MRPL39: variants seen among roughly 807,000 people sequenced by gnomAD.
MRPL39 encodes large ribosomal subunit protein mL39.
In MRPL39, 35 loss-of-function variants were observed where a neutral mutation model predicts 44.5. The ratio of observed to expected loss-of-function variants is 0.79; its 90% CI spans 0.60 to 1.04. The LOEUF (loss-of-function observed/expected upper bound fraction) is 1.04. MRPL39 is among the 50% of genes least tolerant of loss of function. MRPL39 has a pLI of 0.00. For synonymous variants in MRPL39, 139 were observed against 136.1 expected (o/e 1.02, Z -0.15); for missense variants, 433 against 413.5 (o/e 1.05, Z -0.41).
intron 6 of MRPL39, among the ~76,000 whole-genome samples, chr21:25,595,870 C>A (rs770407857): frequency 1.3e-5 from 2 of 151,996 alleles, no homozygotes; most frequent in Non-Finnish European, 2.9e-5. Flanking sequence ...AGTGACTTCA[C>A]GTGTTCAGAT....
At position 25,606,500 on chromosome 21, in the gene MRPL39, T is replaced by C. The variant is rs755157842; in HGVS notation, c.229A>G (p.Thr77Ala). The change falls in exon 2 of 10, where the codon ACT (threonine) becomes GCT (alanine). Residue 77 changes from threonine to alanine, a missense_variant. Coordinates refer to ENST00000352957, the MANE Select transcript of MRPL39 (RefSeq NM_017446.4). ...VKHVGKTDPG[T>A]VFVMNKNIST... Reference sequence around the variant, plus strand: ...ATGTTTTTATTCATCACGAAGACAGTACCGGGGTCAGTTTTCCCAACATGC... The same window carrying C: ...ATGTTTTTATTCATCACGAAGACAGCACCGGGGTCAGTTTTCCCAACATGC... The C allele has an allele frequency of 8.1e-6, 13 of 1,613,902 alleles. No individual in the cohort carries two copies. The highest frequency in any genetic ancestry group is 5.5e-5 in the South Asian group (5 of 91,034).
At chr21:25,597,959 G>A (rs942810111) in intron 5 of MRPL39, among the ~76,000 whole-genome samples, 8 of 152,050 alleles carry the variant, frequency 5.3e-5, no homozygotes, top group Non-Finnish European at 1.2e-4. Flanking sequence ...CAATTAAAAT[G>A]ATGAAGAATA....
rs772860682 is a variant in MRPL39, at chr21:25,585,669, A to T, written c.*38T>A. 1.1e-5 allele frequency: 12 copies of T among 1,121,952 alleles called. No individual in the cohort carries two copies. In the South Asian group the frequency reaches 1.9e-4, roughly 18 times the overall value. The allele number at this position is 1,121,952 out of a possible 1,614,324, so 69.5% of individuals were successfully genotyped here. On this transcript the variant is annotated 3_prime_UTR_variant, in exon 10 of 10. Transcript: ENST00000352957. ...CACACACAAACATTATATTTAAAAC[A>T]TTTATTTTATTATACATATTTAAAT...
At chr21:25,603,250 G>A (rs1033034867) in intron 3 of MRPL39, among the ~76,000 whole-genome samples, 1 of 152,154 alleles carries the variant, frequency 6.6e-6, no homozygotes, top group Admixed American at 6.5e-5. Flanking sequence ...AGAAGCAGGG[G>A]GGAGGCCAAG....
chr21:25,604,136 G>A (rs1044937577), intron 2 of MRPL39, among the ~76,000 whole-genome samples: 13 of 151,786 alleles, frequency 8.6e-5, no homozygotes, highest in African/African-American at 3.1e-4. Context: ...GCACGTGCCT[G>A]TAATCCCAGT....
At chr21:25,606,980 G>C (rs954424138) in intron 1 of MRPL39, among the ~76,000 whole-genome samples, 4 of 152,208 alleles carry the variant, frequency 2.6e-5, no homozygotes, top group Admixed American at 6.5e-5. Context: ...AGAAAAACAA[G>C]AAAATTTCAG....
Position 25,594,244 on chromosome 21 carries a change from TTGTTC to T in MRPL39, c.702-291_702-287del, listed in dbSNP as rs1231118922. 6.6e-3 allele frequency among the ~76,000 whole-genome samples: 286 copies of T among 43,378 alleles called. 31 individuals are homozygous for T. Among genetic ancestry groups the T allele is most frequent in the Middle Eastern group, 0.012 (1 of 84 alleles). 28.5% of individuals were successfully genotyped at this position (43,378 alleles called of 152,430 possible). On this transcript the variant is annotated intron_variant, in intron 6 of 9. Coordinates refer to ENST00000352957, the MANE Select transcript of MRPL39 (RefSeq NM_017446.4). ...GTTCTTTCTTTCCATTTTTATTTCTTTGTTCTTTTTTTTTTTTTTTTTTTTGAGGC... is the reference window on the plus strand; with the variant it reads ...GTTCTTTCTTTCCATTTTTATTTCTTTTTTTTTTTTTTTTTTTTTTGAGGC...
At chr21:25,600,611 T>C (rs1290918193) in intron 4 of MRPL39, among the ~76,000 whole-genome samples, 1 of 151,534 alleles carries the variant, frequency 6.6e-6, no homozygotes, top group African/African-American at 2.4e-5. Context: ...GATCCTACCA[T>C]ACTTACTATT....
chr21:25,588,107 C>T (rs1184451915), intron 9 of MRPL39, among the ~76,000 whole-genome samples: 1 of 152,014 alleles, frequency 6.6e-6, no homozygotes, highest in African/African-American at 2.4e-5. Flanking sequence ...GTCAGGAGAT[C>T]GAGACCATCC....
intron 6 of MRPL39, 63 bp downstream of exon 6, chr21:25,597,239 A>C: frequency 9.0e-7 from 1 of 1,107,448 alleles, no homozygotes. Context: ...TAAGACCTGA[A>C]TTTTCTTTAT....
chr21:25,585,739 T>A lies in MRPL39; in HGVS notation c.985A>T (p.Ser329Cys), dbSNP rs2030979189. The stretch of plus-strand genomic sequence containing the variant: ...GATGTACATTCCTCTGTTGCTTTAC[T>A]TTGATCTTCAGTTACCTGTAAAAAC... ...RSRKMVTEDQ[S>C]KATEECTST is the part of the protein sequence containing the mutation. The change falls in exon 10 of 10, where the codon AGT becomes TGT. Residue 329 changes from serine to cysteine, a missense_variant. Physicochemically the swap from Ser to Cys is moderately radical, Grantham distance 112. Transcript: ENST00000352957. 6.3e-7 allele frequency: 1 copy of A among 1,581,238 alleles called. No homozygotes were observed. The highest frequency in any genetic ancestry group is 8.6e-7 in the Non-Finnish European group (1 of 1,158,736).
chr21:25,597,429 T>A lies in MRPL39; in HGVS notation c.589-15A>T, dbSNP rs2031395171. ...CGTAAGTTCTCCTTAAAAATGAAAG[T>A]AATAACCTTTAGTAACAATTCACTG... On this transcript the variant is annotated splice_polypyrimidine_tract_variant and intron_variant, in intron 5 of 9. Transcript: ENST00000352957. 2.1e-6 allele frequency: 3 copies of A among 1,395,836 alleles called. No individual in the cohort carries two copies. Among genetic ancestry groups the A allele is most frequent in the Non-Finnish European group, 3.0e-6 (3 of 997,522 alleles). The allele number at this position is 1,395,836 out of a possible 1,614,324, so 86.5% of individuals were successfully genotyped here.
chr21:25,595,385 G>T (rs1027284221), intron 6 of MRPL39, among the ~76,000 whole-genome samples: 4 of 152,134 alleles, frequency 2.6e-5, no homozygotes, highest in African/African-American at 4.8e-5. Context: ...CTCAATCACT[G>T]ACCCACCTTC....
rs577223456 is a variant in MRPL39, at chr21:25,601,272, T to G, written c.520+96A>C. 1.1e-4 allele frequency: 66 copies of G among 613,214 alleles called. No individual in the cohort carries two copies. In the South Asian group the frequency reaches 1.9e-3, roughly 18 times the overall value. The allele number at this position is 613,214 out of a possible 1,614,324, so 38.0% of individuals were successfully genotyped here. ...ACCCATGATAAATGACACATATGTA[T>G]AATGGTAATTTATATTAGTACTAAA... is the stretch of plus-strand genomic sequence containing the variant. On this transcript the variant is annotated intron_variant, in intron 4 of 9. Coordinates refer to ENST00000352957, the MANE Select transcript of MRPL39 (RefSeq NM_017446.4).
At chr21:25,596,205 T>C (rs2031353958) in intron 6 of MRPL39, among the ~76,000 whole-genome samples, 1 of 152,130 alleles carries the variant, frequency 6.6e-6, no homozygotes, top group African/African-American at 2.4e-5. Flanking sequence ...TTCACGCCAT[T>C]CTCCTGCCTC....
intron 6 of MRPL39, among the ~76,000 whole-genome samples, chr21:25,595,478 G>C (rs1335735346): frequency 6.6e-6 from 1 of 152,140 alleles, no homozygotes; most frequent in African/African-American, 2.4e-5. Context: ...AGTTACAAAA[G>C]TCCCAGAAGC....
At chr21:25,589,061 CT>C (rs1318941982) in intron 8 of MRPL39, among the ~76,000 whole-genome samples, 179 bp from the exon 9 acceptor site, 3 of 152,254 alleles carry the variant, frequency 2.0e-5, no homozygotes, top group Admixed American at 6.5e-5. Flanking sequence ...GGGATAGCTG[CT>C]TTTTTGCTTT....
chr21:25,587,549 T>C, intron 9 of MRPL39: 1 of 629,858 alleles, frequency 1.6e-6, no homozygotes, highest in Non-Finnish European at 2.8e-6. Flanking sequence ...TAATGTTGTG[T>C]TCAAAATTTG....
intron 7 of MRPL39, 43 bp from the exon 8 acceptor site, chr21:25,593,008 T>C (rs752929388): frequency 1.3e-6 from 2 of 1,508,000 alleles, no homozygotes. Flanking sequence ...CAACATCAAA[T>C]AATTTGTAAG....
Sources: gnomAD v4.1 joint callset for allele counts (sites outside exome capture counted in the v4.1 genomes callset) on GRCh38, gnomAD v4.1.1 for gene constraint, MANE v1.5 for transcripts, NCBI Gene and HGNC (gene_info 2026-07-23, HGNC 2026-07-21) for gene names.